The following PATL2 variants were observed in gnomAD, a reference collection of about 807,000 sequenced individuals.
PATL2 encodes the protein PAT1 homolog 2.
PATL2 carries 73 observed loss-of-function variants against 77.0 expected under a neutral mutation model. That is an observed-to-expected ratio of 0.95 (90% confidence interval 0.78 to 1.15). The LOEUF is 1.15. PATL2 is among the 50% of genes most tolerant of loss of function. PATL2 has a pLI of 0.00. For synonymous variants in PATL2, 265 were observed against 257.1 expected (o/e 1.03, Z -0.29); for missense variants, 618 against 655.4 (o/e 0.94, Z 0.62).
intron 3 of PATL2, among the ~76,000 whole-genome samples, chr15:44,708,996 T>C (rs2086796392): frequency 6.6e-6 from 1 of 152,170 alleles, no homozygotes; most frequent in Admixed American, 6.5e-5. Flanking sequence ...CCTCCCAGGT[T>C]CAAGCAATTC....
At chr15:44,710,065 T>C (rs1421098808) in intron 3 of PATL2, among the ~76,000 whole-genome samples, 31 bp downstream of exon 3, 2 of 152,232 alleles carry the variant, frequency 1.3e-5, no homozygotes, top group South Asian at 4.1e-4. Flanking sequence ...TTAATAATTA[T>C]AGCGCTTATT....
At chr15:44,667,320 A>G in intron 15 of PATL2, 117 bp from the exon 16 acceptor site, 1 of 737,040 alleles carries the variant, frequency 1.4e-6, no homozygotes, top group Non-Finnish European at 2.3e-6. Context: ...ATAGAGCTCA[A>G]AATATCCACA....
In PATL2 at chr15:44,672,459, G is replaced by T. The variant is rs2085737351; in HGVS notation, c.447-3C>A. 1 of 1,551,342 alleles carries T rather than the reference G, an allele frequency of 6.4e-7. No individual in the cohort carries two copies. The stretch of plus-strand genomic sequence containing the variant: ...GAGGGTGGAGCTGGGTCAGATGACT[G>T]GGAAGACAAGAAGTAACGAGCTGGG... On this transcript the variant is annotated splice_region_variant and splice_polypyrimidine_tract_variant and intron_variant, in intron 7 of 17. Transcript: ENST00000682850.
chr15:44,707,545 G>A lies in PATL2; in HGVS notation c.-76+2551C>T, dbSNP rs1382015346. On this transcript the variant is annotated intron_variant, in intron 3 of 17. Coordinates refer to ENST00000682850, the MANE Select transcript of PATL2 (RefSeq NM_001387263.1). ...TCAGCTTGGAGCTATGGCCTGGAAT[G>A]TGGGCCTCAGGACTTTGCCTGGTGC... 2.6e-5 allele frequency among the ~76,000 whole-genome samples: 4 copies of A among 152,190 alleles called. No homozygotes were observed. In the East Asian group the frequency reaches 7.7e-4, roughly 29 times the overall value.
At chr15:44,686,770 T>C (rs1331883223) in intron 3 of PATL2, among the ~76,000 whole-genome samples, 1 of 152,084 alleles carries the variant, frequency 6.6e-6, no homozygotes, top group Admixed American at 6.6e-5. Context: ...GAGAATACTA[T>C]AAAAACCTCT....
chr15:44,674,125 A>G (rs1337822399), intron 6 of PATL2, 25 bp downstream of exon 6: 2 of 1,523,848 alleles, frequency 1.3e-6, no homozygotes, highest in African/African-American at 2.8e-5. Context: ...CACTACCCAC[A>G]GTATGGAGAC....
At position 44,676,834 on chromosome 15, in the gene PATL2, G is replaced by A. The variant is rs576260233; in HGVS notation, c.-75-269C>T. 1.2e-5 allele frequency: 13 copies of A among 1,125,904 alleles called. No homozygotes were observed. The African/African-American group carries it at 1.5e-4, about 13-fold the overall frequency. The allele number at this position is 1,125,904 out of a possible 1,614,324, so 69.7% of individuals were successfully genotyped here. A position where few individuals can be genotyped will look rare whatever the true frequency, so the allele number is the denominator to read the frequency against. On this transcript the variant is annotated intron_variant, in intron 3 of 17. Transcript: ENST00000682850. ...CAACCGACATCACCAGTCACCGTCCGAGTGTGGTGATGCCTTGCTGCCGAC... is the reference window on the plus strand; with the variant it reads ...CAACCGACATCACCAGTCACCGTCCAAGTGTGGTGATGCCTTGCTGCCGAC...
intron 3 of PATL2, 182 bp from the exon 4 acceptor site, chr15:44,676,747 G>C: frequency 1.6e-6 from 2 of 1,256,572 alleles, no homozygotes; most frequent in Non-Finnish European, 2.1e-6. Flanking sequence ...CGGCTCTAGG[G>C]AGCTGTCCCA....
chr15:44,695,185 C>CAA (rs879624743), intron 3 of PATL2, among the ~76,000 whole-genome samples: 3 of 132,306 alleles, frequency 2.3e-5, no homozygotes, highest in African/African-American at 8.3e-5. Context: ...GAGACTCCCT[C>CAA]AAAAAAAAAA....
chr15:44,680,615 G>A (rs1486959925), intron 3 of PATL2, among the ~76,000 whole-genome samples: 1 of 151,994 alleles, frequency 6.6e-6, no homozygotes, highest in African/African-American at 2.4e-5. Flanking sequence ...CTTTTTCTTA[G>A]TGTATAGGAT....
At chr15:44,694,136 C>T (rs1027940818) in intron 3 of PATL2, among the ~76,000 whole-genome samples, 2 of 152,070 alleles carry the variant, frequency 1.3e-5, no homozygotes, top group African/African-American at 4.8e-5. Context: ...CCTTCCCTTC[C>T]CCCTACTAAA....
chr15:44,692,953 G>T (rs564260054), intron 3 of PATL2, among the ~76,000 whole-genome samples: 15 of 152,350 alleles, frequency 9.8e-5, no homozygotes, highest in African/African-American at 3.1e-4. Flanking sequence ...GATAGGAGGG[G>T]AAGACCAGGG....
At chr15:44,676,377 T>G in intron 4 of PATL2, 98 bp downstream of exon 4, 2 of 1,100,662 alleles carry the variant, frequency 1.8e-6, no homozygotes, top group South Asian at 2.7e-5. Flanking sequence ...TGGAATAACT[T>G]CCAGTGACTC....
At chr15:44,670,193 G>C in intron 9 of PATL2, 106 bp from the exon 10 acceptor site, 1 of 1,427,268 alleles carries the variant, frequency 7.0e-7, no homozygotes, top group Non-Finnish European at 9.3e-7. Context: ...TAGTTTTTTT[G>C]TGTGTGTTAT....
chr15:44,705,398 T>G (rs566757478), intron 3 of PATL2, among the ~76,000 whole-genome samples: 1 of 152,288 alleles, frequency 6.6e-6, no homozygotes, highest in Non-Finnish European at 1.5e-5. Context: ...GCGAGGCTGC[T>G]CTCGAACTCC....
intron 3 of PATL2, among the ~76,000 whole-genome samples, chr15:44,695,909 C>T (rs2086493899): frequency 6.6e-6 from 1 of 152,114 alleles, no homozygotes; most frequent in Admixed American, 6.5e-5. Flanking sequence ...TCCAAACCAC[C>T]AGAGAATAGA....
chr15:44,690,120 C>T (rs1396195934), intron 3 of PATL2, among the ~76,000 whole-genome samples: 5 of 151,932 alleles, frequency 3.3e-5, no homozygotes, highest in African/African-American at 4.8e-5. Context: ...ACATGGGAGG[C>T]GGAGGTTGCC....
chr15:44,706,186 G>T (rs568137477), intron 3 of PATL2, among the ~76,000 whole-genome samples: 64 of 152,274 alleles, frequency 4.2e-4, no homozygotes, highest in African/African-American at 1.4e-3. Context: ...ATTTGATGAG[G>T]TCATGTTTTC....
chr15:44,669,776 C>T lies in PATL2; in HGVS notation c.876+1G>A, dbSNP rs2085571670. On this transcript the variant is annotated splice_donor_variant, in intron 11 of 17. Coordinates refer to ENST00000682850, the MANE Select transcript of PATL2 (RefSeq NM_001387263.1). LOFTEE classifies it high-confidence loss of function. The stretch of plus-strand genomic sequence containing the variant: ...AATGTCTGGGAAGATAGTGCTCCCA[C>T]CTGCTCTTGAGTTCCATGGGGTACC... The T allele has an allele frequency of 6.4e-7, 1 of 1,551,536 alleles. No homozygotes were observed. Among genetic ancestry groups the T allele is most frequent in the African/African-American group, 1.4e-5 (1 of 73,066 alleles).
Sources: gnomAD v4.1 joint callset for allele counts (sites outside exome capture counted in the v4.1 genomes callset) on GRCh38, gnomAD v4.1.1 for gene constraint, MANE v1.5 for transcripts, NCBI Gene and HGNC (gene_info 2026-07-23, HGNC 2026-07-21) for gene names.